Variants in B4GALT5 observed in about 807,000 individuals in gnomAD.
B4GALT5 encodes the protein UDP-Gal:beta-GlcNAc beta-1,4-galactosyltransferase 5.
B4GALT5 carries 11 observed loss-of-function variants against 45.0 expected under a neutral mutation model. The observed-to-expected ratio is 0.24, with a 90% CI of 0.15 to 0.40. B4GALT5 has a LOEUF of 0.40. Ranked by LOEUF, B4GALT5 falls within the 10% of genes least tolerant of loss-of-function variation. The probability of loss-of-function intolerance (pLI) is 1.00; values close to 1 mark genes in which losing one functional copy is unlikely to be tolerated. For synonymous variants in B4GALT5, 185 were observed against 182.9 expected, an observed-to-expected ratio of 1.01 and a Z score of -0.09; for missense variants, 337 against 500.2, an observed-to-expected ratio of 0.67 and a Z score of 3.11.
chr20:49,652,332 C>T (rs894972748), intron 2 of B4GALT5, among the ~76,000 whole-genome samples: 7 of 148,762 alleles, frequency 4.7e-5, no homozygotes, highest in Non-Finnish European at 1.0e-4. Context: ...TCACCACTTT[C>T]CCCTCCCATT....
At chr20:49,712,277 A>G (rs530138940) in intron 1 of B4GALT5, among the ~76,000 whole-genome samples, 35 of 152,344 alleles carry the variant, frequency 2.3e-4, no homozygotes, top group African/African-American at 8.4e-4. Context: ...TGGGACTCAC[A>G]TTCCCATTTT....
At chr20:49,641,666 C>T (rs1187463647) in intron 5 of B4GALT5, among the ~76,000 whole-genome samples, 5 of 152,198 alleles carry the variant, frequency 3.3e-5, no homozygotes, top group African/African-American at 4.8e-5. Flanking sequence ...GACCACTTAA[C>T]AGCAACTCAG....
chr20:49,700,297 C>T (rs1012985916), intron 1 of B4GALT5, among the ~76,000 whole-genome samples: 13 of 152,160 alleles, frequency 8.5e-5, no homozygotes, highest in African/African-American at 2.7e-4. Context: ...TAAAATGGAA[C>T]AATTATAACA....
Position 49,636,030 on chromosome 20 carries a change from T to A in B4GALT5, c.*282A>T. On this transcript the variant is annotated 3_prime_UTR_variant, in exon 9 of 9. Transcript: ENST00000371711. ...ACTGCGGCTAAGACAGGATGTGGGG[T>A]AGGAGATGGGGAGAGAGCAGCGGGA... 1 of 394,884 alleles carries A rather than the reference T, an allele frequency of 2.5e-6. No homozygotes were observed. The highest frequency in any genetic ancestry group is 4.8e-6 in the Non-Finnish European group (1 of 210,436). 24.5% of individuals were successfully genotyped at this position (394,884 alleles called of 1,614,324 possible). A position where few individuals can be genotyped will look rare whatever the true frequency, so the allele number is the denominator to read the frequency against.
intron 1 of B4GALT5, 65 bp from the exon 2 acceptor site, chr20:49,656,767 C>A: frequency 6.3e-7 from 1 of 1,591,260 alleles, no homozygotes; most frequent in South Asian, 1.1e-5. Context: ...AAACATACCA[C>A]ATAGCTATGG....
At chr20:49,642,950 A>AC (rs576460126) in intron 4 of B4GALT5, among the ~76,000 whole-genome samples, 196 of 152,310 alleles carry the variant, frequency 1.3e-3, no homozygotes, top group African/African-American at 4.0e-3. Context: ...TGGTTATTCA[A>AC]CTGTTTTTAT....
chr20:49,661,096 T>G (rs2085662988), intron 1 of B4GALT5, among the ~76,000 whole-genome samples: 1 of 152,244 alleles, frequency 6.6e-6, no homozygotes, highest in African/African-American at 2.4e-5. Flanking sequence ...GTGAAGTAGA[T>G]ATCATCTTGA....
intron 7 of B4GALT5, among the ~76,000 whole-genome samples, chr20:49,638,403 G>C (rs1484984082): frequency 2.0e-5 from 3 of 152,190 alleles, no homozygotes; most frequent in East Asian, 3.8e-4. Flanking sequence ...AAAGGAAACA[G>C]ATACCAGGTA....
intron 7 of B4GALT5, 29 bp from the exon 8 acceptor site, chr20:49,637,471 A>G (rs753679078): frequency 6.4e-7 from 1 of 1,556,084 alleles, no homozygotes; most frequent in Non-Finnish European, 8.9e-7. Flanking sequence ...ACAGGCTTTT[A>G]GATACAACGG....
chr20:49,702,121 AATC>A (rs1383166648), intron 1 of B4GALT5, among the ~76,000 whole-genome samples: 10 of 152,164 alleles, frequency 6.6e-5, no homozygotes, highest in African/African-American at 9.7e-5. Context: ...CTATCTTCGA[AATC>A]ATCATGTCTT....
Position 49,637,386 on chromosome 20 carries a change from T to C in B4GALT5, c.974A>G (p.Lys325Arg). The change falls in exon 8 of 9, where the codon AAG becomes AGG. Residue 325 changes from lysine (K) to arginine (R), a missense_variant. Lys to Arg is a conservative substitution (Grantham distance 26). Transcript: ENST00000371711. ...TCCTCGATGGTGATGAGGAATGGAC[T>C]TGTACTTTCCTGTGTCACCCTCTGG... is the stretch of plus-strand genomic sequence containing the variant. ...SRPEGDTGKYKSIPHHHRGEV... is the reference protein window; with the variant it reads ...SRPEGDTGKYRSIPHHHRGEV... 1 of 1,614,186 alleles carries C rather than the reference T, an allele frequency of 6.2e-7. No homozygotes were observed. Among genetic ancestry groups the C allele is most frequent in the Non-Finnish European group, 8.5e-7 (1 of 1,180,036 alleles).
chr20:49,645,458 G>A (rs1421568465), intron 3 of B4GALT5, among the ~76,000 whole-genome samples: 2 of 151,936 alleles, frequency 1.3e-5, no homozygotes, highest in African/African-American at 4.8e-5. Flanking sequence ...ATATAAAAGT[G>A]TATCACAAGG....
intron 1 of B4GALT5, among the ~76,000 whole-genome samples, chr20:49,683,146 C>A (rs1183776265): frequency 1.3e-5 from 2 of 151,792 alleles, no homozygotes; most frequent in Non-Finnish European, 2.9e-5. Context: ...TGCTTATATA[C>A]AACAAATACA....
chr20:49,656,954 A>AT (rs2085646092), intron 1 of B4GALT5, among the ~76,000 whole-genome samples: 1 of 152,194 alleles, frequency 6.6e-6, no homozygotes, highest in Non-Finnish European at 1.5e-5. Flanking sequence ...CTTAAAAAAA[A>AT]ATATATTCCA....
intron 1 of B4GALT5, among the ~76,000 whole-genome samples, chr20:49,697,022 G>C (rs1167191386): frequency 2.0e-5 from 3 of 152,196 alleles, no homozygotes; most frequent in African/African-American, 7.2e-5. Flanking sequence ...GATCGATGTT[G>C]TTTAATTTGT....
chr20:49,683,112 A>G (rs2085770859), intron 1 of B4GALT5, among the ~76,000 whole-genome samples: 1 of 152,158 alleles, frequency 6.6e-6, no homozygotes, highest in Non-Finnish European at 1.5e-5. Flanking sequence ...GGAAAAAAAA[A>G]AAGTGACATA....
chr20:49,642,524 G>C lies in B4GALT5; in HGVS notation c.550C>G (p.Leu184Val), dbSNP rs913429369. 3 of 1,614,114 alleles carry C rather than the reference G, an allele frequency of 1.9e-6. No homozygotes were observed. The highest frequency in any genetic ancestry group is 2.5e-6 in the Non-Finnish European group (3 of 1,180,042). Reference sequence around the variant, plus strand: ...CGCTGGCGCTGGAGCATGGGAAGCAGGTGTCTGAACAGGACTGGGAGGTGC... The same window carrying C: ...CGCTGGCGCTGGAGCATGGGAAGCACGTGTCTGAACAGGACTGGGAGGTGC... ...HEHLPVLFRH[L>V]LPMLQRQRLQ... Residue 184 changes from leucine (L) to valine (V), a missense_variant, in exon 5 of 9, where the codon CTG (leucine) becomes GTG (valine). By Grantham distance (32) the Leu-to-Val change is conservative. Around this residue, in one of 2 missense-constraint regions of B4GALT5, gnomAD observed 163 missense variants for 292.8 expected, o/e 0.56. Transcript: ENST00000371711.
intron 1 of B4GALT5, among the ~76,000 whole-genome samples, chr20:49,695,913 G>A (rs1313770869): frequency 3.3e-5 from 5 of 152,208 alleles, no homozygotes; most frequent in Non-Finnish European, 7.4e-5. Flanking sequence ...GAAATATGCT[G>A]AGTTTTCATT....
rs765196296 is a variant in B4GALT5, at chr20:49,712,837, T to TGG, written c.115+737_115+738dup. On this transcript the variant is annotated intron_variant, in intron 1 of 8. Transcript: ENST00000371711. ...GATGTGCCCTTGTGGGTACGCGAGG[T>TGG]GGGGGGGGGGGAGATGGGGAAGAGG... Among the ~76,000 whole-genome samples the TGG allele has an allele frequency of 8.1e-3, 345 of 42,692 alleles. 8 individuals are homozygous for TGG. Among genetic ancestry groups the TGG allele is most frequent in the African/African-American group, 0.023 (268 of 11,498 alleles). The allele number at this position is 42,692 out of a possible 152,430, so 28.0% of individuals were successfully genotyped here.
Sources: gnomAD v4.1 joint callset for allele counts (sites outside exome capture counted in the v4.1 genomes callset) on GRCh38, gnomAD v4.1.1 for gene constraint, gnomAD v4.1.1 regional missense constraint, MANE v1.5 for transcripts, NCBI Gene and HGNC (gene_info 2026-07-23, HGNC 2026-07-21) for gene names.